Variants in BBS12 observed in about 807,000 individuals in gnomAD.
BBS12 encodes Bardet-Biedl syndrome 12.
In BBS12, 5 loss-of-function variants were observed where a neutral mutation model predicts 5.6. The ratio of observed to expected loss-of-function variants is 0.89; its 90% CI spans 0.46 to 1.86. The LOEUF (loss-of-function observed/expected upper bound fraction) is 1.86, where lower values mean the gene tolerates loss of function less well. BBS12 is among the 40% of genes most tolerant of loss of function. BBS12 has a pLI of 0.01. For synonymous variants in BBS12, 308 were observed against 306.8 expected (o/e 1.00, Z -0.04); for missense variants, 748 against 830.4 (o/e 0.90, Z 1.22).
the BBS12 span, among the ~76,000 whole-genome samples, chr4:122,719,747 T>C: frequency 2.6e-5 from 4 of 152,170 alleles, no homozygotes; most frequent in African/African-American, 7.2e-5. Flanking sequence ...AATTAGACAG[T>C]TGTGCAATGC....
Position 122,744,107 on chromosome 4 carries a change from G to A in BBS12, c.*82G>A. 2.1e-6 allele frequency: 3 copies of A among 1,402,536 alleles called. No homozygotes were observed. In the Admixed American group the frequency reaches 5.2e-5, roughly 24 times the overall value. 86.9% of individuals were successfully genotyped at this position (1,402,536 alleles called of 1,614,324 possible). A position where few individuals can be genotyped will look rare whatever the true frequency, so the allele number is the denominator to read the frequency against. ...AATATATTGATAGCCAAGTCATGGT[G>A]CCTAAAATGCCAGCTATTGCCAAGA... On this transcript the variant is annotated 3_prime_UTR_variant, in exon 2 of 2. Coordinates refer to ENST00000314218, the MANE Select transcript of BBS12 (RefSeq NM_152618.3).
In BBS12 at chr4:122,743,758, T is replaced by C. The variant is rs1316004599; in HGVS notation, c.1866T>C (p.His622=). Reference sequence around the variant, plus strand: ...AAGCCAGCACATACATTCAACATCATCTGCAAAATGCCACAGACTCTGGCT... The same window carrying C: ...AAGCCAGCACATACATTCAACATCACCTGCAAAATGCCACAGACTCTGGCT... ...EFEASTYIQH[H]LQNATDSGSP... is the part of the protein sequence containing the mutation. The change falls in exon 2 of 2, where the codon CAT becomes CAC. Residue 622 remains histidine (H), a synonymous_variant. Coordinates refer to ENST00000314218, the MANE Select transcript of BBS12 (RefSeq NM_152618.3). The C allele has an allele frequency of 6.2e-7, 1 of 1,614,182 alleles. No individual in the cohort carries two copies. The highest frequency in any genetic ancestry group is 8.5e-7 in the Non-Finnish European group (1 of 1,180,022).
intron 1 of BBS12, among the ~76,000 whole-genome samples, chr4:122,733,114 C>T (rs1800725506): frequency 6.6e-6 from 1 of 152,154 alleles, no homozygotes; most frequent in African/African-American, 2.4e-5. Context: ...GTGCCTGGAG[C>T]TGGGCCTTCA....
chr4:122,703,809 T>C, the BBS12 span, among the ~76,000 whole-genome samples: 4 of 152,344 alleles, frequency 2.6e-5, no homozygotes, highest in Admixed American at 2.6e-4. Context: ...TTGAGTCTTT[T>C]ATTTTTAATT....
Position 122,742,002 on chromosome 4 carries a change from A to T in BBS12, c.110A>T (p.Lys37Ile). Residue 37 changes from lysine to isoleucine, a missense_variant, in exon 2 of 2, where the codon AAA becomes ATA. Lys to Ile is a moderately radical substitution (Grantham distance 102, BLOSUM62 -3). Transcript: ENST00000314218. ...TTCCTAGGCCCACTAAAATCATCCA[A>T]ATTTATTATAGATGAAGAATGTCAT... ...RTFLGPLKSSKFIIDEECHES... is the reference protein window; with the variant it reads ...RTFLGPLKSSIFIIDEECHES... 1 of 1,613,350 alleles carries T rather than the reference A, an allele frequency of 6.2e-7. No individual in the cohort carries two copies. Among genetic ancestry groups the T allele is most frequent in the Admixed American group, 1.7e-5 (1 of 59,940 alleles).
At chr4:122,733,731 T>C (rs1211908264) in intron 1 of BBS12, among the ~76,000 whole-genome samples, 1 of 152,184 alleles carries the variant, frequency 6.6e-6, no homozygotes, top group Non-Finnish European at 1.5e-5. Context: ...TTAAAACTTC[T>C]AACCTTTAAT....
the BBS12 span, among the ~76,000 whole-genome samples, chr4:122,702,086 T>C: frequency 6.6e-6 from 1 of 152,148 alleles, no homozygotes; most frequent in Non-Finnish European, 1.5e-5. Flanking sequence ...GGAAACAATA[T>C]ATTTTTTTTA....
the BBS12 span, among the ~76,000 whole-genome samples, chr4:122,727,065 C>T: frequency 6.6e-6 from 1 of 151,582 alleles, no homozygotes; most frequent in East Asian, 2.0e-4. Context: ...TAACCAAATA[C>T]CACCTGTTCC....
chr4:122,702,797 T>C, the BBS12 span, among the ~76,000 whole-genome samples: 1 of 152,018 alleles, frequency 6.6e-6, no homozygotes, highest in African/African-American at 2.4e-5. Context: ...CATCCCCACT[T>C]GAAATTAGGA....
In BBS12 at chr4:122,744,300, T is replaced by C. The variant is rs546517653; in HGVS notation, c.*275T>C. 1 of 388,716 alleles carries C rather than the reference T, an allele frequency of 2.6e-6. No individual in the cohort carries two copies. The highest frequency in any genetic ancestry group is 3.0e-5 in the South Asian group (1 of 33,344). The allele number at this position is 388,716 out of a possible 1,614,324, so 24.1% of individuals were successfully genotyped here. A position where few individuals can be genotyped will look rare whatever the true frequency, so the allele number is the denominator to read the frequency against. On this transcript the variant is annotated 3_prime_UTR_variant, in exon 2 of 2. Coordinates refer to ENST00000314218, the MANE Select transcript of BBS12 (RefSeq NM_152618.3). ...TCACAGCAAAAGCTGTAGCCAGAGC[T>C]TCATGTTGGTTTTATTCAGTTCCTC...
the BBS12 span, among the ~76,000 whole-genome samples, chr4:122,706,858 C>T: frequency 2.6e-5 from 4 of 152,096 alleles, no homozygotes; most frequent in East Asian, 1.9e-4. Flanking sequence ...ATTCCATAAA[C>T]GTGCATTAAC....
the BBS12 span, among the ~76,000 whole-genome samples, chr4:122,727,544 A>ATTTTTTTTTTTT: frequency 1.7e-3 from 137 of 82,294 alleles, 39 homozygotes; most frequent in African/African-American, 7.7e-3. Flanking sequence ...CCCCTGGCCA[A>ATTTTTTTTTTTT]TTTTTTTTTT....
In BBS12 at chr4:122,744,084, T is replaced by C. The variant is rs576614967; in HGVS notation, c.*59T>C. ...CATAATATGTCATGCTAATAATAAA[T>C]ATATTGATAGCCAAGTCATGGTGCC... is the stretch of plus-strand genomic sequence containing the variant. On this transcript the variant is annotated 3_prime_UTR_variant, in exon 2 of 2. Coordinates refer to ENST00000314218, the MANE Select transcript of BBS12 (RefSeq NM_152618.3). The C allele has an allele frequency of 4.6e-6, 7 of 1,534,966 alleles. No homozygotes were observed. In the East Asian group the frequency reaches 9.0e-5, roughly 20 times the overall value.
chr4:122,722,241 C>A, the BBS12 span, among the ~76,000 whole-genome samples: 15 of 152,100 alleles, frequency 9.9e-5, 1 homozygote, highest in Admixed American at 9.8e-4. Context: ...TAAGTATGGG[C>A]GTGTTTCAGG....
the BBS12 span, among the ~76,000 whole-genome samples, chr4:122,725,679 A>G: frequency 2.0e-5 from 3 of 152,088 alleles, no homozygotes; most frequent in Non-Finnish European, 4.4e-5. Flanking sequence ...TGGGAGGATC[A>G]TGAGGTCAAG....
chr4:122,726,996 T>A, the BBS12 span, among the ~76,000 whole-genome samples: 1 of 152,022 alleles, frequency 6.6e-6, no homozygotes, highest in Non-Finnish European at 1.5e-5. Context: ...ACAAATTGGG[T>A]TCAGTGATAC....
Position 122,743,443 on chromosome 4 carries a change from T to C in BBS12, c.1551T>C (p.Asp517=). The stretch of plus-strand genomic sequence containing the variant: ...CTGCACAGATGCAAATCAAAGAAGA[T>C]AGGTTCTGGACATGTGCCTATCGTT... ...PVTAQMQIKE[D]RFWTCAYRLY... The change falls in exon 2 of 2, where the codon GAT becomes GAC. Residue 517 remains aspartate (D), a synonymous_variant. Coordinates refer to ENST00000314218, the MANE Select transcript of BBS12 (RefSeq NM_152618.3). 1 of 1,614,206 alleles carries C rather than the reference T, an allele frequency of 6.2e-7. No homozygotes were observed. Among genetic ancestry groups the C allele is most frequent in the Non-Finnish European group, 8.5e-7 (1 of 1,180,034 alleles).
chr4:122,738,019 A>G (rs993270964), intron 1 of BBS12, among the ~76,000 whole-genome samples: 2 of 152,212 alleles, frequency 1.3e-5, no homozygotes, highest in Admixed American at 1.3e-4. Context: ...ATGTAAATTA[A>G]CTCAAAATGG....
At chr4:122,702,695 G>A in the BBS12 span, among the ~76,000 whole-genome samples, 1 of 152,206 alleles carries the variant, frequency 6.6e-6, no homozygotes, top group Non-Finnish European at 1.5e-5. Context: ...CGCAAAGGAT[G>A]TTAGCACCTC....
Sources: gnomAD v4.1 joint callset for allele counts (sites outside exome capture counted in the v4.1 genomes callset) on GRCh38, gnomAD v4.1.1 for gene constraint, MANE v1.5 for transcripts, NCBI Gene and HGNC (gene_info 2026-07-23, HGNC 2026-07-21) for gene names.